Variants in ATG10 observed in about 807,000 individuals in gnomAD.
ATG10 encodes the protein autophagy related 10, also known as ubiquitin-like-conjugating enzyme ATG10.
A neutral mutation model predicts 32.1 loss-of-function variants in ATG10; 30 were observed. The ratio of observed to expected loss-of-function variants is 0.94; its 90% CI spans 0.70 to 1.27. ATG10 has a LOEUF of 1.27. Ranked by LOEUF, ATG10 falls within the 50% of genes most tolerant of loss-of-function variation. ATG10 has a pLI of 0.00. For synonymous variants in ATG10, 87 were observed against 91.5 expected (o/e 0.95, Z 0.28); for missense variants, 233 against 262.3 (o/e 0.89, Z 0.77).
intron 3 of ATG10, among the ~76,000 whole-genome samples, chr5:82,083,659 G>A (rs1439467140): frequency 6.6e-6 from 1 of 152,164 alleles, no homozygotes; most frequent in Non-Finnish European, 1.5e-5. Flanking sequence ...AGGCAGCAAC[G>A]TCTGCCGTTC....
In ATG10 at chr5:82,226,121, CTGTG is replaced by C. The variant is rs1279230988; in HGVS notation, c.454-26435_454-26432del. On this transcript the variant is annotated intron_variant, in intron 5 of 7. Transcript: ENST00000282185. ...ATAACAGGCAGTTTCCAAGATGTGA[CTGTG>C]TGTGTATTTGTGGGCATATTTAAGT... Among the ~76,000 whole-genome samples, 3 of 152,176 alleles carry C rather than the reference CTGTG, an allele frequency of 2.0e-5. No individual in the cohort carries two copies. The South Asian group carries it at 6.2e-4, about 31-fold the overall frequency.
chr5:82,229,167 C>G (rs1395326273), intron 5 of ATG10, among the ~76,000 whole-genome samples: 2 of 152,158 alleles, frequency 1.3e-5, no homozygotes, highest in African/African-American at 4.8e-5. Flanking sequence ...TGAGTGGACC[C>G]CTCTCCTGAG....
intron 2 of ATG10, among the ~76,000 whole-genome samples, chr5:82,029,460 T>C (rs943427937): frequency 6.6e-6 from 1 of 152,208 alleles, no homozygotes; most frequent in African/African-American, 2.4e-5. Flanking sequence ...GACTGAATCA[T>C]ATGACAACCA....
intron 2 of ATG10, among the ~76,000 whole-genome samples, chr5:82,050,725 G>T (rs1023180036): frequency 6.6e-6 from 1 of 151,304 alleles, no homozygotes; most frequent in African/African-American, 2.4e-5. Flanking sequence ...TTCTTGGCTG[G>T]GTGTGGTGGC....
intron 1 of ATG10, among the ~76,000 whole-genome samples, chr5:81,979,743 G>T (rs1760981850): frequency 7.4e-6 from 1 of 135,782 alleles, no homozygotes. Context: ...TTTAAATTAA[G>T]ATATTCCTGT....
intron 2 of ATG10, among the ~76,000 whole-genome samples, chr5:81,993,723 G>T (rs563218474): frequency 9.2e-5 from 14 of 152,032 alleles, no homozygotes; most frequent in Non-Finnish European, 1.9e-4. Flanking sequence ...ACCGTGCCCA[G>T]CCTTAGCCTG....
chr5:82,156,034 A>C (rs1767784468), intron 3 of ATG10, among the ~76,000 whole-genome samples: 1 of 152,132 alleles, frequency 6.6e-6, no homozygotes, highest in South Asian at 2.1e-4. Flanking sequence ...GACAAAATGA[A>C]GGAAATTTTT....
rs559339301 is a variant in ATG10, at chr5:82,004,006, A to G, written c.108+16328A>G. Among the ~76,000 whole-genome samples, 4 of 152,220 alleles carry G rather than the reference A, an allele frequency of 2.6e-5. No individual in the cohort carries two copies. The South Asian group carries it at 6.2e-4, about 24-fold the overall frequency. On this transcript the variant is annotated intron_variant, in intron 2 of 7. Coordinates refer to ENST00000282185, the MANE Select transcript of ATG10 (RefSeq NM_031482.5). ...AATACAAAAAGTAGCTGGTCATTGT[A>G]GTGGGGGCACCTGTAATCCCAGCTA...
At chr5:82,204,820 T>C (rs1179516673) in intron 5 of ATG10, among the ~76,000 whole-genome samples, 1 of 152,144 alleles carries the variant, frequency 6.6e-6, no homozygotes, top group Non-Finnish European at 1.5e-5. Flanking sequence ...TTAAAGAGTA[T>C]GCAAGATATC....
rs529952645 is a variant in ATG10 at position 82,164,263 on chromosome 5, C to T, written c.217-136C>T. The T allele has an allele frequency of 8.5e-6, 7 of 822,130 alleles. No homozygotes were observed. In the East Asian group the frequency reaches 1.1e-4, roughly 12 times the overall value. The allele number at this position is 822,130 out of a possible 1,614,324, so 50.9% of individuals were successfully genotyped here. On this transcript the variant is annotated intron_variant, in intron 3 of 7. Transcript: ENST00000282185. ...AAATGTTAAACATTAATATGGGAAA[C>T]TCCCTTTTCCTTGCCTCATAGCCTT...
chr5:81,979,929 T>G (rs1003487103), intron 1 of ATG10, among the ~76,000 whole-genome samples: 3 of 152,052 alleles, frequency 2.0e-5, no homozygotes, highest in African/African-American at 7.2e-5. Context: ...TATTTGTAGG[T>G]TGGACCTGTG....
chr5:82,099,382 ATTTAC>A (rs928428031), intron 3 of ATG10, among the ~76,000 whole-genome samples: 3 of 151,996 alleles, frequency 2.0e-5, no homozygotes, highest in African/African-American at 7.2e-5. Flanking sequence ...TTGAGAAAAT[ATTTAC>A]TTTATCTTTT....
chr5:82,219,201 C>CAGT (rs1172178904), intron 5 of ATG10, among the ~76,000 whole-genome samples: 1 of 152,174 alleles, frequency 6.6e-6, no homozygotes, highest in Non-Finnish European at 1.5e-5. Flanking sequence ...GTACCATGTA[C>CAGT]ACTGTAATCG....
intron 1 of ATG10, among the ~76,000 whole-genome samples, chr5:81,972,909 T>C (rs1760766636): frequency 1.3e-5 from 2 of 152,236 alleles, no homozygotes; most frequent in Middle Eastern, 3.4e-3. Context: ...GGACAGCATG[T>C]TTTTTTCAGA....
chr5:82,123,764 C>CAAAAAAAAA (rs1178883742), intron 3 of ATG10, among the ~76,000 whole-genome samples: 2 of 56,816 alleles, frequency 3.5e-5, no homozygotes, highest in Non-Finnish European at 6.7e-5. Context: ...ACTGTCTGTA[C>CAAAAAAAAA]AAAAAAAAAA....
chr5:81,995,588 G>A (rs750512025), intron 2 of ATG10, among the ~76,000 whole-genome samples: 1 of 152,046 alleles, frequency 6.6e-6, no homozygotes, highest in African/African-American at 2.4e-5. Context: ...TACTTCTTAA[G>A]TGTCATCACT....
chr5:82,178,362 A>G (rs1744110326), intron 4 of ATG10, 128 bp from the exon 5 acceptor site: 1 of 599,090 alleles, frequency 1.7e-6, no homozygotes, highest in Admixed American at 2.9e-5. Context: ...CTCTCTTGAT[A>G]TATAAATAGC....
intron 7 of ATG10, 37 bp downstream of exon 7, chr5:82,253,466 C>A (rs765487790): frequency 7.3e-7 from 1 of 1,363,914 alleles, no homozygotes; most frequent in Non-Finnish European, 1.0e-6. Flanking sequence ...TTTGCCGTTA[C>A]AAAGATCAAT....
At chr5:82,124,865 C>A (rs1766195705) in intron 3 of ATG10, among the ~76,000 whole-genome samples, 4 of 152,188 alleles carry the variant, frequency 2.6e-5, no homozygotes, top group Admixed American at 6.5e-5. Context: ...GGAATTGCCA[C>A]ACTGTCTTCC....
Sources: allele counts gnomAD v4.1 joint callset (sites outside exome capture counted in the v4.1 genomes callset), GRCh38; gene constraint gnomAD v4.1.1; transcripts MANE v1.5; gene names NCBI Gene and HGNC (gene_info 2026-07-23, HGNC 2026-07-21).